AGBL1: variants seen among roughly 807,000 people sequenced by gnomAD.
The protein encoded by AGBL1 is cytosolic carboxypeptidase 4.
AGBL1 carries 130 observed loss-of-function variants against 118.9 expected under a neutral mutation model. The observed-to-expected ratio is 1.09, with a 90% CI of 0.95 to 1.26. AGBL1 has a LOEUF of 1.26. AGBL1 is among the 50% of genes most tolerant of loss of function. AGBL1 has a pLI of 0.00. For synonymous variants in AGBL1, 555 were observed against 478.9 expected (o/e 1.16, Z -2.08); for missense variants, 1,584 against 1,298.1 (o/e 1.22, Z -3.38).
At chr15:86,725,473 G>C (rs1244093936) in intron 22 of AGBL1, among the ~76,000 whole-genome samples, 2 of 152,200 alleles carry the variant, frequency 1.3e-5, no homozygotes, top group Non-Finnish European at 2.9e-5. Flanking sequence ...AAAGGTATGA[G>C]AACACATTAG....
Position 86,141,931 on chromosome 15 carries a change from C to A in AGBL1, c.52-73C>A, listed in dbSNP as rs2076968645. On this transcript the variant is annotated intron_variant, in intron 1 of 22. Transcript: ENST00000614907. ...TGACAGGAAGTAGAGCTCTGCCATT[C>A]CATGTACATCCCTGATCATCCAACT... 4 of 1,406,092 alleles carry A rather than the reference C, an allele frequency of 2.8e-6. No individual in the cohort carries two copies. The South Asian group carries it at 5.2e-5, about 18-fold the overall frequency. 87.1% of individuals were successfully genotyped at this position (1,406,092 alleles called of 1,614,324 possible).
At chr15:86,405,548 T>C (rs2081513532) in intron 18 of AGBL1, among the ~76,000 whole-genome samples, 1 of 151,874 alleles carries the variant, frequency 6.6e-6, no homozygotes, top group South Asian at 2.1e-4. Context: ...AAAAAGAAAG[T>C]GCCTATGCCT....
At chr15:86,682,741 C>T (rs2085983341) in intron 22 of AGBL1, among the ~76,000 whole-genome samples, 1 of 152,032 alleles carries the variant, frequency 6.6e-6, no homozygotes, top group Admixed American at 6.6e-5. Context: ...AATTACTATA[C>T]TACCATGAAA....
intron 21 of AGBL1, among the ~76,000 whole-genome samples, chr15:86,639,603 A>G (rs1466813480): frequency 2.0e-5 from 3 of 152,030 alleles, no homozygotes; most frequent in African/African-American, 7.2e-5. Context: ...TTGCTCCGAA[A>G]TTGCTCTCTT....
intron 1 of AGBL1, among the ~76,000 whole-genome samples, chr15:86,120,835 C>T (rs1309196951): frequency 6.6e-6 from 1 of 151,922 alleles, no homozygotes; most frequent in African/African-American, 2.4e-5. Context: ...AACTTTTGGG[C>T]TCATGTATTT....
intron 22 of AGBL1, among the ~76,000 whole-genome samples, chr15:86,856,493 C>T (rs932955467): frequency 2.0e-5 from 3 of 152,204 alleles, no homozygotes; most frequent in Non-Finnish European, 4.4e-5. Context: ...CTTTGTGAAG[C>T]AATTATATTG....
chr15:87,027,986 CAT>C (rs928727698), intron 24 of AGBL1, among the ~76,000 whole-genome samples: 9 of 151,570 alleles, frequency 5.9e-5, no homozygotes, highest in Non-Finnish European at 1.3e-4. Context: ...CACCATGGCA[CAT>C]GTTTACCTAT....
chr15:86,808,394 C>A (rs2078746036), intron 22 of AGBL1, among the ~76,000 whole-genome samples: 1 of 152,154 alleles, frequency 6.6e-6, no homozygotes, highest in Non-Finnish European at 1.5e-5. Flanking sequence ...GTTGACATAG[C>A]AAATAAGTTC....
intron 22 of AGBL1, among the ~76,000 whole-genome samples, chr15:86,724,821 T>G (rs1231457938): frequency 6.6e-6 from 1 of 152,174 alleles, no homozygotes; most frequent in African/African-American, 2.4e-5. Context: ...CTTCTCTCTC[T>G]TGCTTCCACT....
intron 17 of AGBL1, among the ~76,000 whole-genome samples, chr15:86,348,686 G>A (rs1365778834): frequency 1.3e-5 from 2 of 151,942 alleles, no homozygotes; most frequent in Non-Finnish European, 1.5e-5. Context: ...GCTGAGGCAG[G>A]AGACTCACTT....
At chr15:86,580,874 T>C (rs981086282) in intron 21 of AGBL1, among the ~76,000 whole-genome samples, 2 of 152,146 alleles carry the variant, frequency 1.3e-5, no homozygotes. Context: ...CCACATTGCT[T>C]TGAAGCCTTC....
At chr15:86,485,531 T>C (rs2082701880) in intron 18 of AGBL1, among the ~76,000 whole-genome samples, 1 of 152,022 alleles carries the variant, frequency 6.6e-6, no homozygotes, top group Non-Finnish European at 1.5e-5. Flanking sequence ...CCACAGACAA[T>C]AACTAAAAAA....
intron 18 of AGBL1, among the ~76,000 whole-genome samples, chr15:86,436,055 A>T (rs1224164502): frequency 6.8e-6 from 1 of 147,836 alleles, no homozygotes; most frequent in East Asian, 2.0e-4. Context: ...ATTGCAATGG[A>T]GCTTCTAAAC....
chr15:86,290,387 G>A lies in AGBL1; in HGVS notation c.2221-4868G>A, dbSNP rs546196468. Among the ~76,000 whole-genome samples, 3 of 134,198 alleles carry A rather than the reference G, an allele frequency of 2.2e-5. 1 individual carries two copies. In the South Asian group the frequency reaches 7.3e-4, roughly 32 times the overall value. The allele number at this position is 134,198 out of a possible 152,430, so 88.0% of individuals were successfully genotyped here. A position where few individuals can be genotyped will look rare whatever the true frequency, so the allele number is the denominator to read the frequency against. On this transcript the variant is annotated intron_variant, in intron 16 of 22. Transcript: ENST00000614907. ...TATTTTTAAGACAGGGTCTCGCTCT[G>A]TCACCCAGGATGGAGTGCAGTGACT...
At chr15:86,093,283 A>C (rs897895059) in intron 1 of AGBL1, among the ~76,000 whole-genome samples, 1 of 152,258 alleles carries the variant, frequency 6.6e-6, no homozygotes, top group Non-Finnish European at 1.5e-5. Flanking sequence ...TAAAAATCCT[A>C]AGTACCTGCT....
intron 17 of AGBL1, among the ~76,000 whole-genome samples, chr15:86,392,528 A>G (rs547886344): frequency 6.6e-6 from 1 of 152,302 alleles, no homozygotes; most frequent in African/African-American, 2.4e-5. Flanking sequence ...TAATCTACAG[A>G]ACCCTGCAGA....
downstream of AGBL1, among the ~76,000 whole-genome samples, chr15:86,920,044 T>C (rs1333962616): frequency 2.6e-5 from 4 of 152,194 alleles, no homozygotes. Flanking sequence ...ATCTATTTAC[T>C]GTCTTAGGGT....
intron 17 of AGBL1, among the ~76,000 whole-genome samples, chr15:86,361,861 G>T (rs2080810582): frequency 6.6e-6 from 1 of 151,948 alleles, no homozygotes; most frequent in Non-Finnish European, 1.5e-5. Context: ...TTTCTTATAG[G>T]CAGCATATTG....
chr15:86,636,702 C>CATATATATATATATATATAT (rs1157674222), intron 21 of AGBL1, among the ~76,000 whole-genome samples: 1 of 26,762 alleles, frequency 3.7e-5, no homozygotes, highest in Non-Finnish European at 8.6e-5. Flanking sequence ...AACCACCAGT[C>CATATATATATATATATATAT]ATATATATAT....
Sources: allele counts gnomAD v4.1 joint callset (sites outside exome capture counted in the v4.1 genomes callset), GRCh38; gene constraint gnomAD v4.1.1; transcripts MANE v1.5; gene names NCBI Gene and HGNC (gene_info 2026-07-23, HGNC 2026-07-21).